Variants in CLPSL1 observed in about 807,000 individuals in gnomAD.
The protein encoded by CLPSL1 is colipase-like protein 1.
In CLPSL1, 13 loss-of-function variants were observed where a neutral mutation model predicts 9.3. The observed-to-expected ratio is 1.40, with a 90% CI of 0.91 to 2.22. The LOEUF (loss-of-function observed/expected upper bound fraction) is 2.22, where lower values mean the gene tolerates loss of function less well. Among genes scored for constraint, CLPSL1 ranks in the 30% most tolerant of loss-of-function variants. CLPSL1 has a pLI of 0.00. For synonymous variants in CLPSL1, 58 were observed against 56.9 expected, an observed-to-expected ratio of 1.02 and a Z score of -0.08; for missense variants, 164 against 146.6, an observed-to-expected ratio of 1.12 and a Z score of -0.61.
downstream of CLPSL1, among the ~76,000 whole-genome samples, chr6:35,789,352 C>G (rs112219550): frequency 1.5e-3 from 235 of 152,314 alleles, no homozygotes; most frequent in Admixed American, 3.7e-3. Flanking sequence ...AAAGGATAGT[C>G]TTTTCAATAA....
chr6:35,789,863 C>T (rs893462005), downstream of CLPSL1, among the ~76,000 whole-genome samples: 1 of 152,140 alleles, frequency 6.6e-6, no homozygotes, highest in East Asian at 1.9e-4. Context: ...CACTGCACTC[C>T]AGCCTGGGCA....
chr6:35,785,379 G>A (rs956774152), intron 1 of CLPSL1, among the ~76,000 whole-genome samples: 8 of 151,840 alleles, frequency 5.3e-5, no homozygotes, highest in Non-Finnish European at 8.8e-5. Context: ...GGGTTTCACC[G>A]TGTTAGCCAG....
downstream of CLPSL1, among the ~76,000 whole-genome samples, chr6:35,792,325 A>T (rs1006519083): frequency 1.3e-5 from 2 of 152,278 alleles, no homozygotes; most frequent in Admixed American, 1.3e-4. Context: ...ATCATAGCTT[A>T]GCTTAGCCTA....
chr6:35,791,146 A>C (rs1768199451), downstream of CLPSL1, among the ~76,000 whole-genome samples: 1 of 152,340 alleles, frequency 6.6e-6, no homozygotes, highest in African/African-American at 2.4e-5. Flanking sequence ...AGACCCCTTC[A>C]CAAGCCATGG....
Position 35,786,916 on chromosome 6 carries a change from C to G in CLPSL1, c.100-82C>G. 3.3e-6 allele frequency: 5 copies of G among 1,499,458 alleles called. No homozygotes were observed. The East Asian group carries it at 1.2e-4, about 37-fold the overall frequency. The allele number at this position is 1,499,458 out of a possible 1,614,324, so 92.9% of individuals were successfully genotyped here. ...TGGGAGCAGAGTCTGGGGAGGAGCCCCGTAGGGAGAAAGCCCCAGGCGGGG... is the reference window on the plus strand; with the variant it reads ...TGGGAGCAGAGTCTGGGGAGGAGCCGCGTAGGGAGAAAGCCCCAGGCGGGG... On this transcript the variant is annotated intron_variant, in intron 1 of 2. Coordinates refer to ENST00000373861, the MANE Select transcript of CLPSL1 (RefSeq NM_001010886.5).
At position 35,787,719 on chromosome 6, in the gene CLPSL1, T is replaced by C. The variant is rs1581954568; in HGVS notation, c.223-148T>C. 24 of 742,366 alleles carry C rather than the reference T, an allele frequency of 3.2e-5. No individual in the cohort carries two copies. The East Asian group carries it at 6.5e-4, about 20-fold the overall frequency. The allele number at this position is 742,366 out of a possible 1,614,324, so 46.0% of individuals were successfully genotyped here. A position where few individuals can be genotyped will look rare whatever the true frequency, so the allele number is the denominator to read the frequency against. ...CCAGCCTGGAGAAGGCAGCCAGAGG[T>C]GCCACTCTGAGCAGCTGGCAAGCTA... On this transcript the variant is annotated intron_variant, in intron 2 of 2. Transcript: ENST00000373861.
intron 2 of CLPSL1, 59 bp downstream of exon 2, chr6:35,787,179 G>A (rs1768099758): frequency 1.3e-6 from 2 of 1,581,642 alleles, no homozygotes; most frequent in Admixed American, 3.5e-5. Context: ...GAGCCAGGGC[G>A]GGCCCAGATT....
chr6:35,783,343 T>A (rs1177387504), intron 1 of CLPSL1, among the ~76,000 whole-genome samples: 1 of 152,156 alleles, frequency 6.6e-6, no homozygotes, highest in Non-Finnish European at 1.5e-5. Context: ...AAAGCCCATC[T>A]CTACTAAAAA....
At chr6:35,787,751 A>T in intron 2 of CLPSL1, 116 bp from the exon 3 acceptor site, 1 of 989,158 alleles carries the variant, frequency 1.0e-6, no homozygotes, top group East Asian at 2.5e-5. Context: ...GCTATCATTT[A>T]TCCCTGGATC....
chr6:35,790,446 C>G (rs1428623933), downstream of CLPSL1, among the ~76,000 whole-genome samples: 1 of 152,212 alleles, frequency 6.6e-6, no homozygotes, highest in Non-Finnish European at 1.5e-5. Flanking sequence ...CTCTTAGGTT[C>G]AGTACTTGAA....
chr6:35,783,470 A>G (rs1313405237), intron 1 of CLPSL1, among the ~76,000 whole-genome samples: 1 of 150,820 alleles, frequency 6.6e-6, no homozygotes, highest in African/African-American at 2.4e-5. Context: ...AGAAAGTGCC[A>G]TTGCACTCCA....
intron 1 of CLPSL1, among the ~76,000 whole-genome samples, chr6:35,785,540 C>T (rs1028430246): frequency 4.6e-5 from 7 of 152,098 alleles, no homozygotes; most frequent in Non-Finnish European, 1.0e-4. Context: ...GGCTCACTCA[C>T]CCAACACCTG....
At chr6:35,792,126 T>TAAA (rs59455775), downstream of CLPSL1, among the ~76,000 whole-genome samples, 19 of 150,798 alleles carry the variant, frequency 1.3e-4, no homozygotes, top group South Asian at 6.3e-4. Context: ...AATAAATAAA[T>TAAA]TAGCCAGGCA....
intron 1 of CLPSL1, among the ~76,000 whole-genome samples, chr6:35,782,224 T>C (rs924600587): frequency 1.3e-5 from 2 of 151,970 alleles, no homozygotes; most frequent in Non-Finnish European, 2.9e-5. Context: ...GGGGCGGAAA[T>C]GTGCTGGCAT....
intron 1 of CLPSL1, among the ~76,000 whole-genome samples, chr6:35,784,779 C>T (rs113433762): frequency 0.012 from 1,815 of 152,240 alleles, 21 homozygotes; most frequent in South Asian, 0.034. Flanking sequence ...AATCTGTATG[C>T]ATTTACAGCA....
At chr6:35,791,123 A>G (rs1378823504), downstream of CLPSL1, among the ~76,000 whole-genome samples, 2 of 152,236 alleles carry the variant, frequency 1.3e-5, no homozygotes, top group Non-Finnish European at 2.9e-5. Flanking sequence ...TTTATGCTTC[A>G]GTGGCATTCT....
At chr6:35,788,174 C>G (rs1768126460), downstream of CLPSL1, 11 of 333,838 alleles carry the variant, frequency 3.3e-5, no homozygotes, top group South Asian at 8.5e-5. Context: ...GAGTTGGGGC[C>G]TGGGTGGGCT....
downstream of CLPSL1, among the ~76,000 whole-genome samples, chr6:35,788,578 C>G (rs1246795048): frequency 6.6e-6 from 1 of 151,524 alleles, no homozygotes; most frequent in East Asian, 1.9e-4. Context: ...CTCCTGTTAT[C>G]ACCTCTGTTT....
At chr6:35,786,920 A>G in intron 1 of CLPSL1, 78 bp from the exon 2 acceptor site, 1 of 1,505,296 alleles carries the variant, frequency 6.6e-7, no homozygotes, top group Non-Finnish European at 8.9e-7. Flanking sequence ...GGAGCCCCGT[A>G]GGGAGAAAGC....
Sources: gnomAD v4.1 joint callset for allele counts (sites outside exome capture counted in the v4.1 genomes callset) on GRCh38, gnomAD v4.1.1 for gene constraint, MANE v1.5 for transcripts, NCBI Gene and HGNC (gene_info 2026-07-23, HGNC 2026-07-21) for gene names.